The following NRG2 variants were observed in gnomAD, a reference collection of about 807,000 sequenced individuals.
NRG2 encodes the protein pro-neuregulin-2, membrane-bound isoform.
A neutral mutation model predicts 73.9 loss-of-function variants in NRG2; 27 were observed. The observed-to-expected ratio is 0.37, with a 90% CI of 0.27 to 0.50. NRG2 has a LOEUF of 0.50. Ranked by LOEUF, NRG2 falls within the 20% of genes least tolerant of loss-of-function variation. The pLI is 0.96. For missense variants in NRG2, 1,126 were observed against 1,210.1 expected (o/e 0.93, Z 1.03); for synonymous variants, 532 against 541.0 (o/e 0.98, Z 0.23).
intron 1 of NRG2, among the ~76,000 whole-genome samples, chr5:140,007,085 G>A (rs1758965692): frequency 6.6e-6 from 1 of 152,094 alleles, no homozygotes; most frequent in Admixed American, 6.5e-5. Context: ...GGGGGAAGGT[G>A]GATGCTACTG....
At chr5:140,042,046 CCT>C (rs1292447751) in intron 1 of NRG2, among the ~76,000 whole-genome samples, 1 of 152,144 alleles carries the variant, frequency 6.6e-6, no homozygotes, top group Admixed American at 6.5e-5. Context: ...ACCGCCAGGA[CCT>C]CTCCGTTTTT....
At chr5:139,857,135 G>A (rs1761859423) in intron 5 of NRG2, among the ~76,000 whole-genome samples, 1 of 152,160 alleles carries the variant, frequency 6.6e-6, no homozygotes, top group African/African-American at 2.4e-5. Flanking sequence ...CTCCCCCTGG[G>A]CTTTGGAATG....
chr5:139,953,702 A>T (rs545757058), intron 1 of NRG2, among the ~76,000 whole-genome samples: 2 of 152,314 alleles, frequency 1.3e-5, no homozygotes, highest in South Asian at 2.1e-4. Context: ...TGATGATAAG[A>T]GGAAAGGACA....
rs1172084189 is a variant in NRG2 at position 139,848,559 on chromosome 5, G to C, written c.1911C>G (p.Ile637Met). ...GCTGCTGCTCGGCCAGGCGGTAACT[G>C]ATGGGCGCCGCCGGCGGCAGCGACA... ...HAVSLPPAAP[I>M]SYRLAEQQPL... The change falls in exon 10 of 10, where the codon ATC becomes ATG. Residue 637 changes from isoleucine (I) to methionine (M), a missense_variant. Ile to Met is a conservative substitution (Grantham distance 10). Transcript: ENST00000361474. 1 of 1,546,092 alleles carries C rather than the reference G, an allele frequency of 6.5e-7. No homozygotes were observed. Among genetic ancestry groups the C allele is most frequent in the Non-Finnish European group, 8.6e-7 (1 of 1,157,570 alleles).
intron 5 of NRG2, among the ~76,000 whole-genome samples, chr5:139,859,567 C>T (rs1436527306): frequency 6.6e-6 from 1 of 152,130 alleles, no homozygotes; most frequent in African/African-American, 2.4e-5. Flanking sequence ...TCCAGCCAGC[C>T]TGCGGGTCTG....
At chr5:139,987,840 T>C (rs1482322897) in intron 1 of NRG2, among the ~76,000 whole-genome samples, 1 of 149,662 alleles carries the variant, frequency 6.7e-6, no homozygotes, top group East Asian at 2.0e-4. Flanking sequence ...AGTAGTGCGA[T>C]CTCGGCTCAC....
At chr5:140,018,250 T>G (rs1357052828) in intron 1 of NRG2, among the ~76,000 whole-genome samples, 1 of 151,998 alleles carries the variant, frequency 6.6e-6, no homozygotes, top group Non-Finnish European at 1.5e-5. Flanking sequence ...TATCCACAGG[T>G]CATGTGATAG....
Position 140,008,325 on chromosome 5 carries a change from G to T in NRG2, c.700+34045C>A, listed in dbSNP as rs781369242. Among the ~76,000 whole-genome samples, 1 of 152,144 alleles carries T rather than the reference G, an allele frequency of 6.6e-6. No homozygotes were observed. Among genetic ancestry groups the T allele is most frequent in the Non-Finnish European group, 1.5e-5 (1 of 68,020 alleles). On this transcript the variant is annotated intron_variant, in intron 1 of 9. Coordinates refer to ENST00000361474, the MANE Select transcript of NRG2 (RefSeq NM_004883.3). The surrounding 1 kb of genome is among the most constrained non-coding windows in gnomAD (Gnocchi z 4.2). ...TCTTGTTCCACTAGGGCTATCGCTG[G>T]CCCCTTTTACTGGATAGCTGACCAC... is the stretch of plus-strand genomic sequence containing the variant.
In NRG2 at chr5:139,865,875, A is replaced by T. The variant is rs1245680941; in HGVS notation, c.1113-250T>A. Among the ~76,000 whole-genome samples the T allele has an allele frequency of 3.3e-5, 5 of 152,094 alleles. No homozygotes were observed. The highest frequency in any genetic ancestry group is 1.2e-4 in the African/African-American group (5 of 41,412). ...GGGTCAGGGGGAGGATGATTTAGGT[A>T]AGTGGGGTGAGGGAAGATGGGAAAT... On this transcript the variant is annotated intron_variant, in intron 4 of 9. Coordinates refer to ENST00000361474, the MANE Select transcript of NRG2 (RefSeq NM_004883.3). The surrounding 1 kb of genome is among the most constrained non-coding windows in gnomAD (Gnocchi z 5.2).
chr5:140,000,350 G>A (rs1163157139), intron 1 of NRG2, among the ~76,000 whole-genome samples: 2 of 152,122 alleles, frequency 1.3e-5, no homozygotes, highest in Non-Finnish European at 2.9e-5. Flanking sequence ...TCCCTTCCTC[G>A]AGCTTTTGCA....
Position 139,870,273 on chromosome 5 carries a change from G to C in NRG2, c.1112+1448C>G, listed in dbSNP as rs1188809653. ...AAGGATGAGGGGCTGAGTTTGGGTT[G>C]AGAACTTCCCTAGAGGGCCTGTTGT... On this transcript the variant is annotated intron_variant, in intron 4 of 9. Coordinates refer to ENST00000361474, the MANE Select transcript of NRG2 (RefSeq NM_004883.3). The surrounding 1 kb of genome is among the most constrained non-coding windows in gnomAD (Gnocchi z 4.4). 6.6e-6 allele frequency among the ~76,000 whole-genome samples: 1 copy of C among 152,160 alleles called. No individual in the cohort carries two copies. Among genetic ancestry groups the C allele is most frequent in the African/African-American group, 2.4e-5 (1 of 41,438 alleles).
chr5:139,979,709 T>C (rs1353214045), intron 1 of NRG2, among the ~76,000 whole-genome samples: 2 of 152,186 alleles, frequency 1.3e-5, no homozygotes, highest in Non-Finnish European at 2.9e-5. Flanking sequence ...TTCCAAATCC[T>C]GCCAACGACA....
intron 1 of NRG2, among the ~76,000 whole-genome samples, chr5:139,980,729 T>A (rs1005745311): frequency 6.6e-6 from 1 of 152,228 alleles, no homozygotes; most frequent in Admixed American, 6.5e-5. Context: ...CTACAATCAG[T>A]TGGCTTCAAT....
chr5:139,931,772 C>G (rs770513612), intron 1 of NRG2, among the ~76,000 whole-genome samples: 43 of 152,258 alleles, frequency 2.8e-4, no homozygotes, highest in Non-Finnish European at 5.1e-4. Flanking sequence ...TAGATGGGCT[C>G]AACTGAGGAT....
At chr5:140,024,061 T>G (rs1407279604) in intron 1 of NRG2, among the ~76,000 whole-genome samples, 1 of 152,082 alleles carries the variant, frequency 6.6e-6, no homozygotes, top group Admixed American at 6.5e-5. Flanking sequence ...GTCAACTGAA[T>G]GTACCCCTTC....
At chr5:140,016,134 C>T (rs559358712) in intron 1 of NRG2, among the ~76,000 whole-genome samples, 20 of 152,252 alleles carry the variant, frequency 1.3e-4, no homozygotes, top group African/African-American at 4.8e-4. Flanking sequence ...TTCCTGACTC[C>T]AGAGCCCTGC....
intron 1 of NRG2, among the ~76,000 whole-genome samples, chr5:140,006,283 G>C (rs1419698616): frequency 1.3e-5 from 2 of 152,208 alleles, no homozygotes; most frequent in African/African-American, 4.8e-5. Context: ...TTCGGTAGAA[G>C]CCTGAGCTAT....
intron 1 of NRG2, among the ~76,000 whole-genome samples, chr5:139,938,502 C>T (rs961026085): frequency 6.6e-6 from 1 of 151,790 alleles, no homozygotes; most frequent in African/African-American, 2.4e-5. Context: ...GACTACAGAC[C>T]CAGGCCACCA....
chr5:140,015,646 CT>C (rs1273820589), intron 1 of NRG2, among the ~76,000 whole-genome samples: 1 of 152,206 alleles, frequency 6.6e-6, no homozygotes, highest in Non-Finnish European at 1.5e-5. Flanking sequence ...CAGCCTGGAG[CT>C]TTCCATTTCT....
Sources: allele counts gnomAD v4.1 joint callset (sites outside exome capture counted in the v4.1 genomes callset), GRCh38; gene constraint gnomAD v4.1.1; non-coding constraint Gnocchi (gnomAD v3.1); transcripts MANE v1.5; gene names NCBI Gene and HGNC (gene_info 2026-07-23, HGNC 2026-07-21).